The following MICAL2 variants were observed in gnomAD, a reference collection of about 807,000 sequenced individuals.
MICAL2 encodes microtubule associated monooxygenase, calponin and LIM domain containing 2.
MICAL2 carries 77 observed loss-of-function variants against 127.3 expected under a neutral mutation model. That is an observed-to-expected ratio of 0.60 (90% confidence interval 0.50 to 0.73). The LOEUF (loss-of-function observed/expected upper bound fraction) is 0.73. MICAL2 is among the 30% of genes least tolerant of loss of function. MICAL2 has a pLI of 0.00. For missense variants in MICAL2, 1,351 were observed against 1,434.4 expected (o/e 0.94, Z 0.94); for synonymous variants, 570 against 551.1 (o/e 1.03, Z -0.48).
rs965789787 is a variant in MICAL2 at position 12,149,277 on chromosome 11, G to GA, written c.-78+10817_-78+10818insA. The stretch of plus-strand genomic sequence containing the variant: ...AGTGATGAGAGTAGAGGCTGGAGGG[G>GA]CGAGCTAGGGCTGGATCACGAAGGT... On this transcript the variant is annotated intron_variant, in intron 2 of 27. Transcript: ENST00000683283. Among the ~76,000 whole-genome samples the GA allele has an allele frequency of 5.3e-4, 80 of 151,994 alleles. 1 individual carries two copies. Among genetic ancestry groups the GA allele is most frequent in the Non-Finnish European group, 1.0e-3 (69 of 68,004 alleles).
intron 3 of MICAL2, among the ~76,000 whole-genome samples, chr11:12,202,386 A>G (rs1253548519): frequency 1.3e-5 from 2 of 152,220 alleles, no homozygotes; most frequent in African/African-American, 4.8e-5. Flanking sequence ...CTGTAAAAGC[A>G]TGAGCCAATT....
intron 3 of MICAL2, among the ~76,000 whole-genome samples, chr11:12,187,853 G>A (rs910021916): frequency 2.6e-5 from 4 of 151,482 alleles, no homozygotes; most frequent in Non-Finnish European, 4.4e-5. Context: ...CTTCAGTCTC[G>A]TCTTTTGCCC....
intron 29 of MICAL2, among the ~76,000 whole-genome samples, chr11:12,306,597 A>T (rs1864112759): frequency 6.6e-6 from 1 of 152,234 alleles, no homozygotes; most frequent in Non-Finnish European, 1.5e-5. Context: ...TGGTCTTCTC[A>T]TGACTCTTTA....
chr11:12,196,666 G>C (rs1046505083), intron 3 of MICAL2, among the ~76,000 whole-genome samples: 2 of 152,094 alleles, frequency 1.3e-5, no homozygotes, highest in African/African-American at 4.8e-5. Flanking sequence ...TACCATCTTT[G>C]TTATTGCTCT....
intron 1 of MICAL2, among the ~76,000 whole-genome samples, chr11:12,123,215 T>C (rs1850652396): frequency 6.6e-6 from 1 of 152,246 alleles, no homozygotes; most frequent in Admixed American, 6.5e-5. Flanking sequence ...ACATACTTTT[T>C]TTATTTTATA....
At chr11:12,341,996 A>G (rs1938875040) in intron 32 of MICAL2, among the ~76,000 whole-genome samples, 4 of 152,214 alleles carry the variant, frequency 2.6e-5, no homozygotes, top group Admixed American at 2.6e-4. Flanking sequence ...TGACTCTATT[A>G]ATAAAAAGTC....
intron 1 of MICAL2, among the ~76,000 whole-genome samples, chr11:12,137,600 T>C (rs1451531060): frequency 1.3e-5 from 2 of 151,532 alleles, no homozygotes; most frequent in Non-Finnish European, 2.9e-5. Flanking sequence ...AGAGAGAGTG[T>C]GTGTGTGTGT....
At chr11:12,223,077 G>C (rs1405539410) in intron 11 of MICAL2, among the ~76,000 whole-genome samples, 1 of 152,092 alleles carries the variant, frequency 6.6e-6, no homozygotes, top group Admixed American at 6.5e-5. Flanking sequence ...CTTGGTCCTG[G>C]GGTCCATTTC....
chr11:12,139,948 AT>A (rs1479876061), intron 2 of MICAL2, among the ~76,000 whole-genome samples: 2 of 152,086 alleles, frequency 1.3e-5, no homozygotes, highest in African/African-American at 4.8e-5. Flanking sequence ...TGGCTCATCC[AT>A]TCAATCCAGG....
At chr11:12,270,729 GTGGCCAGAGATGGCTCTGGCCA>G (rs1321246878) in intron 24 of MICAL2, among the ~76,000 whole-genome samples, 1 of 152,224 alleles carries the variant, frequency 6.6e-6, no homozygotes, top group Non-Finnish European at 1.5e-5. Context: ...ACAGTGGACA[GTGGCCAGAGATGGCTCTGGCCA>G]TTAGGAGCTG....
intron 3 of MICAL2, among the ~76,000 whole-genome samples, chr11:12,202,085 G>A (rs532967060): frequency 6.6e-6 from 1 of 151,740 alleles, no homozygotes; most frequent in African/African-American, 2.4e-5. Flanking sequence ...TCACGCCATT[G>A]CACTCCAGCC....
At chr11:12,325,929 A>G (rs1374951157) in intron 31 of MICAL2, among the ~76,000 whole-genome samples, 1 of 152,256 alleles carries the variant, frequency 6.6e-6, no homozygotes, top group African/African-American at 2.4e-5. Flanking sequence ...AGATGGATTT[A>G]TAAAGATATA....
chr11:12,244,396 G>A (rs1451024501), intron 21 of MICAL2, among the ~76,000 whole-genome samples: 3 of 152,236 alleles, frequency 2.0e-5, no homozygotes, highest in Non-Finnish European at 4.4e-5. Flanking sequence ...AGAAAACAGA[G>A]AGGGCGGTGC....
chr11:12,301,060 G>A (rs1336338884), intron 29 of MICAL2, among the ~76,000 whole-genome samples: 1 of 152,158 alleles, frequency 6.6e-6, no homozygotes, highest in African/African-American at 2.4e-5. Flanking sequence ...GAGGCAAAAG[G>A]CACTTCTTAC....
At chr11:12,217,962 T>C (rs1385140741) in intron 8 of MICAL2, among the ~76,000 whole-genome samples, 3 of 152,306 alleles carry the variant, frequency 2.0e-5, no homozygotes, top group Non-Finnish European at 4.4e-5. Flanking sequence ...GCCGCTTAAA[T>C]TTACATTGTT....
chr11:12,134,084 T>G (rs889396360), intron 1 of MICAL2, among the ~76,000 whole-genome samples: 7 of 152,224 alleles, frequency 4.6e-5, no homozygotes, highest in Non-Finnish European at 8.8e-5. Context: ...TTGACCTTCA[T>G]GAGCCTCAGT....
At chr11:12,249,121 G>T in intron 21 of MICAL2, 63 bp from the exon 22 acceptor site, 1 of 1,605,604 alleles carries the variant, frequency 6.2e-7, no homozygotes, top group Non-Finnish European at 8.5e-7. Context: ...TTCCCCAGTG[G>T]AAGAGAATTC....
downstream of MICAL2, among the ~76,000 whole-genome samples, chr11:12,291,695 G>C (rs772563528): frequency 2.6e-5 from 4 of 152,214 alleles, no homozygotes; most frequent in Non-Finnish European, 5.9e-5. Context: ...CATCTCATTA[G>C]TCGTGGATGT....
chr11:12,211,845 C>T (rs1045566843), intron 6 of MICAL2, among the ~76,000 whole-genome samples: 8 of 152,172 alleles, frequency 5.3e-5, no homozygotes, highest in South Asian at 4.1e-4. Flanking sequence ...GGTCCAATGG[C>T]GGCGGGCTGG....
Sources: gnomAD v4.1 joint callset for allele counts (sites outside exome capture counted in the v4.1 genomes callset) on GRCh38, gnomAD v4.1.1 for gene constraint, MANE v1.5 for transcripts, NCBI Gene and HGNC (gene_info 2026-07-23, HGNC 2026-07-21) for gene names.